LRRC72: variants seen among roughly 807,000 people sequenced by gnomAD.
The protein encoded by LRRC72 is leucine rich repeat containing 72.
A neutral mutation model predicts 35.8 loss-of-function variants in LRRC72; 41 were observed. That is an observed-to-expected ratio of 1.15 (90% confidence interval 0.89 to 1.49). The LOEUF (loss-of-function observed/expected upper bound fraction) is 1.49. Among genes scored for constraint, LRRC72 ranks in the 40% most tolerant of loss-of-function variants. LRRC72 has a pLI of 0.00. For missense variants in LRRC72, 389 were observed against 330.7 expected, an observed-to-expected ratio of 1.18 and a Z score of -1.37; for synonymous variants, 118 against 119.2, an observed-to-expected ratio of 0.99 and a Z score of 0.07.
At chr7:16,545,223 A>C (rs1436996476) in intron 3 of LRRC72, among the ~76,000 whole-genome samples, 2 of 152,244 alleles carry the variant, frequency 1.3e-5, no homozygotes, top group African/African-American at 4.8e-5. Context: ...TCTTAGGCTC[A>C]ATCTTCGATA....
In LRRC72 at chr7:16,581,223, C is replaced by G. The variant is rs1186759524; in HGVS notation, c.699-101C>G. ...TAGTGGTACTATACTACAAATAACA[C>G]AGAAAAACATGGCATTGATTCATTT... On this transcript the variant is annotated intron_variant, in intron 8 of 8. Coordinates refer to ENST00000401542, the MANE Select transcript of LRRC72 (RefSeq NM_001195280.2). The G allele has an allele frequency of 2.7e-6, 3 of 1,092,442 alleles. No individual in the cohort carries two copies. The African/African-American group carries it at 4.8e-5, about 18-fold the overall frequency. 67.7% of individuals were successfully genotyped at this position (1,092,442 alleles called of 1,614,324 possible).
At chr7:16,545,963 TA>T (rs1287302741) in intron 3 of LRRC72, among the ~76,000 whole-genome samples, 28 of 152,298 alleles carry the variant, frequency 1.8e-4, no homozygotes, top group African/African-American at 6.5e-4. Flanking sequence ...TACTTTTGAA[TA>T]TTTTTAAGGT....
chr7:16,531,801 G>C (rs1468096691), intron 1 of LRRC72, among the ~76,000 whole-genome samples: 1 of 152,110 alleles, frequency 6.6e-6, no homozygotes, highest in Non-Finnish European at 1.5e-5. Context: ...AAAAAGTAAA[G>C]CATTTAAATA....
chr7:16,529,448 G>A (rs530392022), intron 1 of LRRC72, among the ~76,000 whole-genome samples: 2 of 152,028 alleles, frequency 1.3e-5, no homozygotes, highest in Non-Finnish European at 1.5e-5. Context: ...GTTTTTTGGG[G>A]TTTTTTTAAT....
intron 3 of LRRC72, among the ~76,000 whole-genome samples, chr7:16,544,572 C>T (rs1782412047): frequency 6.6e-6 from 1 of 152,244 alleles, no homozygotes; most frequent in Admixed American, 6.5e-5. Flanking sequence ...TTCTTTCCAG[C>T]CTCTCATGAA....
intron 1 of LRRC72, chr7:16,530,590 T>C (rs1330223130): frequency 6.6e-6 from 1 of 152,210 alleles, no homozygotes; most frequent in Non-Finnish European, 1.5e-5. Context: ...TGAAACTACT[T>C]CACAGTATTC....
At chr7:16,536,784 T>G (rs1782266004) in intron 2 of LRRC72, 1 of 152,184 alleles carries the variant, frequency 6.6e-6, no homozygotes, top group Non-Finnish European at 1.5e-5. Flanking sequence ...CATAAATGAA[T>G]TAATATCTGT....
chr7:16,569,696 T>C (rs577770955), intron 7 of LRRC72, among the ~76,000 whole-genome samples: 4 of 133,928 alleles, frequency 3.0e-5, no homozygotes, highest in Middle Eastern at 7.7e-3. Flanking sequence ...AAGCCACAGG[T>C]GCAAGAGAGG....
intron 7 of LRRC72, among the ~76,000 whole-genome samples, chr7:16,573,886 A>T: frequency 6.6e-6 from 1 of 152,184 alleles, no homozygotes; most frequent in East Asian, 1.9e-4. Flanking sequence ...ATAGGAGAAA[A>T]TTTTTTCAAT....
At chr7:16,551,214 A>T (rs1782542678) in intron 3 of LRRC72, among the ~76,000 whole-genome samples, 4 of 152,222 alleles carry the variant, frequency 2.6e-5, no homozygotes, top group Admixed American at 6.5e-5. Context: ...CACCAGAACC[A>T]AATGGCCACC....
chr7:16,568,542 A>G (rs1288710581), intron 7 of LRRC72, among the ~76,000 whole-genome samples: 1 of 152,228 alleles, frequency 6.6e-6, no homozygotes, highest in East Asian at 1.9e-4. Flanking sequence ...GTTCCTGAAA[A>G]ACAAATTATA....
At chr7:16,580,850 G>C (rs1321532441) in intron 8 of LRRC72, among the ~76,000 whole-genome samples, 1 of 151,948 alleles carries the variant, frequency 6.6e-6, no homozygotes, top group Non-Finnish European at 1.5e-5. Context: ...GAATACTGAT[G>C]AATTTAGAGT....
chr7:16,572,737 T>C (rs1031022145), intron 7 of LRRC72, among the ~76,000 whole-genome samples: 1 of 152,118 alleles, frequency 6.6e-6, no homozygotes, highest in African/African-American at 2.4e-5. Context: ...CTTTGAAAAC[T>C]GGCACAAGAC....
intron 2 of LRRC72, among the ~76,000 whole-genome samples, chr7:16,533,713 T>C (rs1782206516): frequency 6.6e-6 from 1 of 152,142 alleles, no homozygotes; most frequent in South Asian, 2.1e-4. Flanking sequence ...TTTACCTTTG[T>C]AATGGCTCTG....
chr7:16,544,885 T>C (rs1340010145), intron 3 of LRRC72, among the ~76,000 whole-genome samples: 1 of 152,208 alleles, frequency 6.6e-6, no homozygotes, highest in East Asian at 1.9e-4. Context: ...AAACCAATGG[T>C]TAATGCATTT....
chr7:16,558,822 A>C, intron 4 of LRRC72, 67 bp from the exon 5 acceptor site: 1 of 951,672 alleles, frequency 1.1e-6, no homozygotes, highest in Non-Finnish European at 1.5e-6. Context: ...GTTTATTTTT[A>C]TTTGCAATAA....
chr7:16,543,528 G>A (rs751262334), intron 3 of LRRC72, among the ~76,000 whole-genome samples: 4 of 152,096 alleles, frequency 2.6e-5, no homozygotes, highest in African/African-American at 4.8e-5. Context: ...AACAGAATTC[G>A]GATTTGAGTT....
At chr7:16,557,612 TATTAG>T (rs1334323470) in intron 4 of LRRC72, among the ~76,000 whole-genome samples, 171 bp downstream of exon 4, 2 of 152,216 alleles carry the variant, frequency 1.3e-5, no homozygotes, top group Non-Finnish European at 2.9e-5. Context: ...AGAAATGTGC[TATTAG>T]ATTACTTTTC....
At chr7:16,544,590 G>C (rs907864154) in intron 3 of LRRC72, among the ~76,000 whole-genome samples, 2 of 152,164 alleles carry the variant, frequency 1.3e-5, no homozygotes, top group African/African-American at 4.8e-5. Context: ...GAAAGGTTGA[G>C]TTAGGCTCAG....
Sources: gnomAD v4.1 joint callset for allele counts (sites outside exome capture counted in the v4.1 genomes callset) on GRCh38, gnomAD v4.1.1 for gene constraint, MANE v1.5 for transcripts, NCBI Gene and HGNC (gene_info 2026-07-23, HGNC 2026-07-21) for gene names.